Variants in DENND2A observed in about 807,000 individuals in gnomAD.
DENND2A encodes the protein DENN domain-containing protein 2A.
A neutral mutation model predicts 105.3 loss-of-function variants in DENND2A; 53 were observed. That is an observed-to-expected ratio of 0.50 (90% confidence interval 0.40 to 0.63). DENND2A has a LOEUF of 0.63. Among genes scored for constraint, DENND2A ranks in the 30% least tolerant of loss-of-function variants. The pLI, the probability that DENND2A is intolerant of heterozygous loss-of-function variation, is 0.00. For synonymous variants in DENND2A, 522 were observed against 508.4 expected, an observed-to-expected ratio of 1.03 and a Z score of -0.36; for missense variants, 1,138 against 1,279.6, an observed-to-expected ratio of 0.89 and a Z score of 1.69.
At chr7:140,616,602 C>A (rs1793919263) in intron 1 of DENND2A, among the ~76,000 whole-genome samples, 1 of 151,926 alleles carries the variant, frequency 6.6e-6, no homozygotes. Context: ...GAATTATATC[C>A]CAATAAAGCC....
chr7:140,559,854 A>T lies in DENND2A; in HGVS notation c.1780-37T>A. The T allele has an allele frequency of 6.7e-7, 1 of 1,489,770 alleles. No homozygotes were observed. Among genetic ancestry groups the T allele is most frequent in the Non-Finnish European group, 9.4e-7 (1 of 1,068,644 alleles). The allele number at this position is 1,489,770 out of a possible 1,614,324, so 92.3% of individuals were successfully genotyped here. On this transcript the variant is annotated intron_variant, in intron 9 of 19. Transcript: ENST00000496613. The surrounding 1 kb of genome is among the most constrained non-coding windows in gnomAD (Gnocchi z 4.1). Reference sequence around the variant, plus strand: ...AAGGTGAGAGAAAATTCGAGAACAAATCTCAGCATGGGAAATTGAGGCGGA... The same window carrying T: ...AAGGTGAGAGAAAATTCGAGAACAATTCTCAGCATGGGAAATTGAGGCGGA...
intron 11 of DENND2A, among the ~76,000 whole-genome samples, chr7:140,557,860 C>A (rs1210179300): frequency 2.0e-5 from 3 of 151,986 alleles, no homozygotes; most frequent in African/African-American, 7.2e-5. Context: ...AAAATAGAGA[C>A]AGGGCCTCAT....
chr7:140,622,343 C>T (rs1310784388), intron 1 of DENND2A, among the ~76,000 whole-genome samples: 6 of 151,398 alleles, frequency 4.0e-5, no homozygotes, highest in African/African-American at 4.9e-5. Context: ...TTGCAGTGAG[C>T]GAAGATTGCA....
chr7:140,521,783 C>G, intron 18 of DENND2A, 72 bp downstream of exon 18: 1 of 1,585,618 alleles, frequency 6.3e-7, no homozygotes, highest in South Asian at 1.2e-5. Flanking sequence ...TGATCTTTCT[C>G]CCTACTCATC....
intron 9 of DENND2A, among the ~76,000 whole-genome samples, chr7:140,563,063 T>C (rs1401126640): frequency 6.6e-6 from 1 of 152,126 alleles, no homozygotes; most frequent in Non-Finnish European, 1.5e-5. Flanking sequence ...ACAGAGTGAA[T>C]GACTTAAATT....
At chr7:140,564,266 G>C (rs1350243253) in intron 9 of DENND2A, among the ~76,000 whole-genome samples, 2 of 135,124 alleles carry the variant, frequency 1.5e-5, no homozygotes, top group African/African-American at 6.0e-5. Flanking sequence ...TCAGGCAATA[G>C]AGTGAGACTG....
intron 3 of DENND2A, among the ~76,000 whole-genome samples, chr7:140,593,931 G>C (rs1045216564): frequency 6.6e-6 from 1 of 150,542 alleles, no homozygotes; most frequent in African/African-American, 2.4e-5. Flanking sequence ...CTGAGATGGA[G>C]TTTCACTCTT....
chr7:140,533,266 C>T (rs1339711199), intron 14 of DENND2A, among the ~76,000 whole-genome samples: 1 of 152,208 alleles, frequency 6.6e-6, no homozygotes, highest in East Asian at 1.9e-4. Flanking sequence ...GCTGGGATTA[C>T]AGGCGTGAGC....
chr7:140,556,580 C>T (rs1472280179), intron 11 of DENND2A, among the ~76,000 whole-genome samples: 1 of 151,940 alleles, frequency 6.6e-6, no homozygotes, highest in East Asian at 1.9e-4. Context: ...GCTCAGGCAA[C>T]CTGCCCACCT....
rs894747088 is a variant in DENND2A at position 140,574,124 on chromosome 7, C to A, written c.1246-116G>T. On this transcript the variant is annotated intron_variant, in intron 5 of 19. Transcript: ENST00000496613. Reference sequence around the variant, plus strand: ...TTGAGAAGAGGAACTGGTCTATGTTCCCAGGTTAGGTGGAGTTTGGTTATG... The same window carrying A: ...TTGAGAAGAGGAACTGGTCTATGTTACCAGGTTAGGTGGAGTTTGGTTATG... The A allele has an allele frequency of 1.1e-5, 13 of 1,209,024 alleles. No individual in the cohort carries two copies. The African/African-American group carries it at 1.5e-4, about 14-fold the overall frequency. 74.9% of individuals were successfully genotyped at this position (1,209,024 alleles called of 1,614,324 possible). A position where few individuals can be genotyped will look rare whatever the true frequency, so the allele number is the denominator to read the frequency against.
At chr7:140,593,036 T>A (rs1179837461) in intron 3 of DENND2A, among the ~76,000 whole-genome samples, 1 of 152,070 alleles carries the variant, frequency 6.6e-6, no homozygotes, top group Non-Finnish European at 1.5e-5. Context: ...CTAACCTAAT[T>A]CTGTTCTCTA....
Position 140,542,059 on chromosome 7 carries a change from T to C in DENND2A, c.2327+2559A>G, listed in dbSNP as rs1585586053. Among the ~76,000 whole-genome samples, 7 of 152,264 alleles carry C rather than the reference T, an allele frequency of 4.6e-5. 1 individual carries two copies. Among genetic ancestry groups the C allele is most frequent in the Admixed American group, 4.6e-4 (7 of 15,284 alleles). ...AAACCACAGTGCTTCAGGTTTTTTTTTGTTTTTGGCACTGCTTCTTTCCAG... is the reference window on the plus strand; with the variant it reads ...AAACCACAGTGCTTCAGGTTTTTTTCTGTTTTTGGCACTGCTTCTTTCCAG... On this transcript the variant is annotated intron_variant, in intron 14 of 19. Coordinates refer to ENST00000496613, the MANE Select transcript of DENND2A (RefSeq NM_015689.5).
intron 3 of DENND2A, among the ~76,000 whole-genome samples, chr7:140,592,536 G>T (rs1479542646): frequency 6.6e-6 from 1 of 150,636 alleles, no homozygotes; most frequent in Non-Finnish European, 1.5e-5. Flanking sequence ...GTAGAGACAG[G>T]GTTTTGCCAT....
At chr7:140,617,496 G>A (rs1051991034) in intron 1 of DENND2A, among the ~76,000 whole-genome samples, 2 of 152,054 alleles carry the variant, frequency 1.3e-5, no homozygotes, top group Admixed American at 6.6e-5. Flanking sequence ...AGGCCGAGGC[G>A]GGTGGATCAC....
At chr7:140,598,542 A>G (rs1056772835) in intron 3 of DENND2A, among the ~76,000 whole-genome samples, 2 of 152,232 alleles carry the variant, frequency 1.3e-5, no homozygotes, top group Non-Finnish European at 2.9e-5. Context: ...ATATGGTTAT[A>G]TTCATAGTTT....
At chr7:140,557,531 A>AT (rs1156756617) in intron 11 of DENND2A, among the ~76,000 whole-genome samples, 7 of 39,650 alleles carry the variant, frequency 1.8e-4, no homozygotes, top group Admixed American at 3.9e-4. Context: ...ATATATATAT[A>AT]TTTTTTTTTT....
At chr7:140,633,580 G>A (rs1403344672) in intron 1 of DENND2A, among the ~76,000 whole-genome samples, 1 of 152,180 alleles carries the variant, frequency 6.6e-6, no homozygotes, top group Non-Finnish European at 1.5e-5. Context: ...CATCTTCTCT[G>A]CTGAGAAGTG....
chr7:140,530,300 T>C (rs1796214619), intron 14 of DENND2A, among the ~76,000 whole-genome samples: 1 of 152,158 alleles, frequency 6.6e-6, no homozygotes, highest in African/African-American at 2.4e-5. Flanking sequence ...TAATTAAAAT[T>C]AAAAAATATA....
intron 14 of DENND2A, among the ~76,000 whole-genome samples, chr7:140,539,744 G>C (rs1025984494): frequency 2.0e-5 from 3 of 152,246 alleles, no homozygotes; most frequent in African/African-American, 7.2e-5. Context: ...GCCACTCCAC[G>C]CCCCGTCGCT....
Sources: allele counts gnomAD v4.1 joint callset (sites outside exome capture counted in the v4.1 genomes callset), GRCh38; gene constraint gnomAD v4.1.1; non-coding constraint Gnocchi (gnomAD v3.1); transcripts MANE v1.5; gene names NCBI Gene and HGNC (gene_info 2026-07-23, HGNC 2026-07-21).